PRPH2: variants seen among roughly 807,000 people sequenced by gnomAD.
The protein encoded by PRPH2 is peripherin 2, also known as peripherin-2.
Under a neutral mutation model 31.3 loss-of-function variants are expected in PRPH2, and 17 were observed. The observed-to-expected ratio is 0.54, with a 90% CI of 0.37 to 0.81. The LOEUF is 0.81. Among genes scored for constraint, PRPH2 ranks in the 40% least tolerant of loss-of-function variants. PRPH2 has a pLI of 0.00. For synonymous variants in PRPH2, 165 were observed against 184.4 expected (o/e 0.89, Z 0.85); for missense variants, 430 against 439.7 (o/e 0.98, Z 0.20).
intron 1 of PRPH2, among the ~76,000 whole-genome samples, chr6:42,705,315 C>A (rs181948827): frequency 6.6e-6 from 1 of 152,076 alleles, no homozygotes; most frequent in East Asian, 1.9e-4. Context: ...CAAAAGGGAT[C>A]TTTACAGTGA....
At chr6:42,717,258 C>CA (rs1051103739) in intron 1 of PRPH2, among the ~76,000 whole-genome samples, 29 of 149,662 alleles carry the variant, frequency 1.9e-4, no homozygotes, top group Middle Eastern at 6.9e-3. Context: ...ACTAAAAATA[C>CA]AAAAAAAAAT....
intron 1 of PRPH2, among the ~76,000 whole-genome samples, chr6:42,710,606 G>A (rs1800258784): frequency 6.6e-6 from 1 of 152,268 alleles, no homozygotes; most frequent in South Asian, 2.1e-4. Flanking sequence ...TGTTTCCCAG[G>A]CTACGAATTT....
chr6:42,712,038 A>G, intron 1 of PRPH2: 1 of 909,364 alleles, frequency 1.1e-6, no homozygotes, highest in Non-Finnish European at 1.3e-6. Flanking sequence ...TGTTCTTGCC[A>G]CAACTGAGCC....
chr6:42,707,572 T>G (rs377266492), intron 1 of PRPH2, among the ~76,000 whole-genome samples: 38 of 152,312 alleles, frequency 2.5e-4, no homozygotes, highest in South Asian at 1.7e-3. Context: ...AGACTTTTGA[T>G]CTTTGCCAAC....
chr6:42,710,967 G>A lies in PRPH2; in HGVS notation c.582-6356C>T, dbSNP rs1175350194. 5.9e-5 allele frequency among the ~76,000 whole-genome samples: 9 copies of A among 152,164 alleles called. No individual in the cohort carries two copies. The South Asian group carries it at 1.9e-3, about 32-fold the overall frequency. ...ACATTTTAAACACTCGACAGGGGAT[G>A]GTGGAAATTAAATGGGATCATACAC... On this transcript the variant is annotated intron_variant, in intron 1 of 2. Coordinates refer to ENST00000230381, the MANE Select transcript of PRPH2 (RefSeq NM_000322.5).
intron 2 of PRPH2, among the ~76,000 whole-genome samples, chr6:42,700,718 C>G (rs1800030317): frequency 6.6e-6 from 1 of 152,156 alleles, no homozygotes; most frequent in African/African-American, 2.4e-5. Context: ...TAGTGATCCT[C>G]CCTTTGGCTC....
chr6:42,698,215 G>C lies in PRPH2; in HGVS notation c.*80C>G. On this transcript the variant is annotated 3_prime_UTR_variant, in exon 3 of 3. Coordinates refer to ENST00000230381, the MANE Select transcript of PRPH2 (RefSeq NM_000322.5). ...CCCTCCTTGGGAGATTCAGACTTTCGGAGTTGGATGAGGGGGAGATCCACG... is the reference window on the plus strand; with the variant it reads ...CCCTCCTTGGGAGATTCAGACTTTCCGAGTTGGATGAGGGGGAGATCCACG... 1 of 1,583,042 alleles carries C rather than the reference G, an allele frequency of 6.3e-7. No homozygotes were observed. The highest frequency in any genetic ancestry group is 8.6e-7 in the Non-Finnish European group (1 of 1,161,518).
chr6:42,699,360 C>G (rs1800009717), intron 2 of PRPH2, among the ~76,000 whole-genome samples: 2 of 152,018 alleles, frequency 1.3e-5, no homozygotes, highest in African/African-American at 4.8e-5. Flanking sequence ...CCATGCCCAG[C>G]CCTTCCATTA....
At chr6:42,702,346 T>C (rs1800061506) in intron 2 of PRPH2, among the ~76,000 whole-genome samples, 1 of 152,028 alleles carries the variant, frequency 6.6e-6, no homozygotes, top group Non-Finnish European at 1.5e-5. Flanking sequence ...CACTGGCTGA[T>C]AGCATTAGGA....
chr6:42,715,456 A>G (rs555130079), intron 1 of PRPH2, among the ~76,000 whole-genome samples: 1 of 152,220 alleles, frequency 6.6e-6, no homozygotes, highest in African/African-American at 2.4e-5. Flanking sequence ...GGATCACTTG[A>G]GGTCAGAAGT....
In PRPH2 at chr6:42,698,506, A is replaced by C. The variant is rs140406696; in HGVS notation, c.830T>G (p.Val277Gly). The C allele has an allele frequency of 6.5e-5, 105 of 1,614,112 alleles. No individual in the cohort carries two copies. The African/African-American group carries it at 1.3e-3, about 19-fold the overall frequency. Residue 277 changes from valine to glycine, a missense_variant and splice_region_variant, in exon 3 of 3, where the codon GTG (valine) becomes GGG (glycine). Transcript: ENST00000230381. ...GTAGCGCAGCCCAATTGTAATGGTCACCTGGTGGTGGGAGAGGAGATTTAG... is the reference window on the plus strand; with the variant it reads ...GTAGCGCAGCCCAATTGTAATGGTCCCCTGGTGGTGGGAGAGGAGATTTAG... ...VVTLLIWLFE[V>G]TITIGLRYLQ...
At chr6:42,706,602 GAAA>G (rs1333067254) in intron 1 of PRPH2, among the ~76,000 whole-genome samples, 1,105 of 105,970 alleles carry the variant, frequency 0.01, 13 homozygotes, top group African/African-American at 0.039. Context: ...AAAAAAGAAA[GAAA>G]GGAAAAAGAA....
In PRPH2 at chr6:42,722,068, GGCTGGGTC is replaced by G. The variant is rs1554270834; in HGVS notation, c.259_266del (p.Asp87GlnfsTer87). 5.0e-6 allele frequency: 8 copies of G among 1,614,172 alleles called. No individual in the cohort carries two copies. Among genetic ancestry groups the G allele is most frequent in the Non-Finnish European group, 6.8e-6 (8 of 1,180,036 alleles). ...GCCAGGGCTTCCATCTGGCATACTTGGCTGGGTCCAGGGCGTCGTAGCAGATCTTCCCA... is the reference window on the plus strand; with the variant it reads ...GCCAGGGCTTCCATCTGGCATACTTGCAGGGCGTCGTAGCAGATCTTCCCA... On this transcript the variant is annotated frameshift_variant, in exon 1 of 3. Coordinates refer to ENST00000230381, the MANE Select transcript of PRPH2 (RefSeq NM_000322.5). LOFTEE classifies it high-confidence loss of function. This position sits in a 1 kb window ranked among gnomAD's most constrained non-coding sequence, Gnocchi z 4.4.
intron 1 of PRPH2, among the ~76,000 whole-genome samples, chr6:42,721,272 C>A (rs1761897726): frequency 6.6e-6 from 1 of 152,172 alleles, no homozygotes; most frequent in Admixed American, 6.5e-5. Flanking sequence ...AGACAAACAT[C>A]TTGGGAATGG....
chr6:42,716,867 G>A (rs1456697485), intron 1 of PRPH2, among the ~76,000 whole-genome samples: 10 of 147,494 alleles, frequency 6.8e-5, no homozygotes, highest in East Asian at 2.0e-4. Flanking sequence ...TGATCCACCC[G>A]CCTCAGCCTC....
intron 2 of PRPH2, 48 bp from the exon 3 acceptor site, chr6:42,698,555 G>C (rs41273820): frequency 6.2e-7 from 1 of 1,609,028 alleles, no homozygotes; most frequent in Non-Finnish European, 8.5e-7. Context: ...GAATCGCTGG[G>C]AGCTGGACCA....
At chr6:42,708,849 T>C (rs1221649771) in intron 1 of PRPH2, among the ~76,000 whole-genome samples, 3 of 152,138 alleles carry the variant, frequency 2.0e-5, no homozygotes, top group Non-Finnish European at 4.4e-5. Flanking sequence ...TCAGGGGTTA[T>C]GGGGGATATA....
chr6:42,719,167 C>CTTTTT (rs10594241), intron 1 of PRPH2, among the ~76,000 whole-genome samples: 10 of 144,910 alleles, frequency 6.9e-5, no homozygotes, highest in Non-Finnish European at 6.0e-5. Flanking sequence ...AGTGGACTTC[C>CTTTTT]TTTTTTTTTT....
chr6:42,704,728 A>T lies in PRPH2; in HGVS notation c.582-117T>A, dbSNP rs929492653. On this transcript the variant is annotated intron_variant, in intron 1 of 2. Coordinates refer to ENST00000230381, the MANE Select transcript of PRPH2 (RefSeq NM_000322.5). ...AGTCATTCACTCGCACACTTGGTAT[A>T]TATTTGCTGTGCGCCCGCTACGTGC... The T allele has an allele frequency of 2.7e-6, 4 of 1,492,578 alleles. No individual in the cohort carries two copies. In the Admixed American group the frequency reaches 6.9e-5, roughly 26 times the overall value. 92.5% of individuals were successfully genotyped at this position (1,492,578 alleles called of 1,614,324 possible). A position where few individuals can be genotyped will look rare whatever the true frequency, so the allele number is the denominator to read the frequency against.
Sources: allele counts gnomAD v4.1 joint callset (sites outside exome capture counted in the v4.1 genomes callset), GRCh38; gene constraint gnomAD v4.1.1; non-coding constraint Gnocchi (gnomAD v3.1); transcripts MANE v1.5; gene names NCBI Gene and HGNC (gene_info 2026-07-23, HGNC 2026-07-21).